The following SASH1 variants were observed in gnomAD, a reference collection of about 807,000 sequenced individuals.
SASH1 encodes SAM and SH3 domain containing 1.
A neutral mutation model predicts 125.2 loss-of-function variants in SASH1; 44 were observed. That is an observed-to-expected ratio of 0.35 (90% CI 0.28 to 0.45). The LOEUF (loss-of-function observed/expected upper bound fraction) is 0.45, where lower values mean the gene tolerates loss of function less well. SASH1 is among the 20% of genes least tolerant of loss of function. The pLI is 1.00. For missense variants in SASH1, 1,426 were observed against 1,614.5 expected (o/e 0.88, Z 2.00); for synonymous variants, 639 against 649.1 (o/e 0.98, Z 0.24).
In SASH1 at chr6:148,495,151, C is replaced by T. The variant is rs186959951; in HGVS notation, c.729+7436C>T. Among the ~76,000 whole-genome samples the T allele has an allele frequency of 1.9e-3, 285 of 152,300 alleles. 1 individual carries two copies. The highest frequency in any genetic ancestry group is 2.7e-3 in the Non-Finnish European group (184 of 68,024). On this transcript the variant is annotated intron_variant, in intron 8 of 19. Transcript: ENST00000367467. This position sits in a 1 kb window ranked among gnomAD's most constrained non-coding sequence, Gnocchi z 4.0. Reference sequence around the variant, plus strand: ...TGCTAATAACAATTCTGGTATGTGCCGAAAGCCAGGGCACCGGCAGAAGTT... The same window carrying T: ...TGCTAATAACAATTCTGGTATGTGCTGAAAGCCAGGGCACCGGCAGAAGTT...
At chr6:148,470,632 C>G (rs1167097356) in intron 5 of SASH1, among the ~76,000 whole-genome samples, 2 of 152,206 alleles carry the variant, frequency 1.3e-5, no homozygotes. Flanking sequence ...TTAAAAATGT[C>G]TAGCTATAGC....
rs148017233 is a variant in SASH1 at position 148,320,140 on chromosome 6, A to G, written n.74+47763A>G. Among the ~76,000 whole-genome samples, 311 of 152,350 alleles carry G rather than the reference A, an allele frequency of 2.0e-3. 1 individual carries two copies. Among genetic ancestry groups the G allele is most frequent in the Non-Finnish European group, 3.3e-3 (223 of 68,032 alleles). ...TAAACTTTATCATAAGTATGTATGTATGAGAAAAAACATAATATCTATAGG... is the reference window on the plus strand; with the variant it reads ...TAAACTTTATCATAAGTATGTATGTGTGAGAAAAAACATAATATCTATAGG... On this transcript the variant is annotated intron_variant and non_coding_transcript_variant, in intron 1 of 3. Coordinates refer to the SASH1 transcript ENST00000367469.
chr6:148,213,357 C>T, the SASH1 span, among the ~76,000 whole-genome samples: 44 of 152,072 alleles, frequency 2.9e-4, no homozygotes, highest in Middle Eastern at 6.8e-3. Context: ...CTGTATTCTC[C>T]GCTTTTATGG....
At chr6:148,356,734 G>A (rs189881815) in intron 1 of SASH1, among the ~76,000 whole-genome samples, 232 of 152,210 alleles carry the variant, frequency 1.5e-3, no homozygotes, top group Admixed American at 4.6e-3. Flanking sequence ...GGATTACAGT[G>A]TGAGCCACCA....
chr6:148,264,220 T>A, the SASH1 span, among the ~76,000 whole-genome samples: 989 of 149,568 alleles, frequency 6.6e-3, 10 homozygotes, highest in African/African-American at 0.021. Flanking sequence ...TGCATTCCTG[T>A]CATGGTTGGG....
intron 4 of SASH1, among the ~76,000 whole-genome samples, chr6:148,444,695 ACTAT>A (rs1776700941): frequency 1.3e-5 from 2 of 152,278 alleles, no homozygotes; most frequent in South Asian, 4.1e-4. Flanking sequence ...TATTGATGAG[ACTAT>A]CTGTTACTGG....
intron 8 of SASH1, among the ~76,000 whole-genome samples, chr6:148,489,293 A>G (rs1161955054): frequency 6.6e-6 from 1 of 152,054 alleles, no homozygotes; most frequent in African/African-American, 2.4e-5. Flanking sequence ...GTGATGATGT[A>G]TTTCTGGGCT....
At chr6:148,456,753 T>C (rs1321309217) in intron 4 of SASH1, among the ~76,000 whole-genome samples, 3 of 151,724 alleles carry the variant, frequency 2.0e-5, no homozygotes, top group Middle Eastern at 3.4e-3. Context: ...TCCCAGCTAT[T>C]TGGGGGCTGA....
In SASH1 at chr6:148,317,494, G is replaced by A. The variant is rs113907614; in HGVS notation, n.74+45117G>A. On this transcript the variant is annotated intron_variant and non_coding_transcript_variant, in intron 1 of 3. Coordinates refer to the SASH1 transcript ENST00000367469. ...GGCTGGAGTGCAATGGCACGACCTC[G>A]GCTCACCGCAACCTCCGCCTCCTGG... 3.7e-4 allele frequency among the ~76,000 whole-genome samples: 56 copies of A among 152,194 alleles called. 1 individual carries two copies. The highest frequency in any genetic ancestry group is 5.3e-4 in the African/African-American group (22 of 41,450).
At chr6:148,327,534 T>G (rs1216227003) in intron 1 of SASH1, among the ~76,000 whole-genome samples, 1 of 151,138 alleles carries the variant, frequency 6.6e-6, no homozygotes, top group Non-Finnish European at 1.5e-5. Flanking sequence ...CCACCCGCCT[T>G]GGCCTCCCAA....
intron 2 of SASH1, among the ~76,000 whole-genome samples, chr6:148,398,637 A>G (rs1211936130): frequency 1.3e-5 from 2 of 152,116 alleles, no homozygotes; most frequent in Non-Finnish European, 2.9e-5. Context: ...CACTATCCTG[A>G]GTTATCCTGC....
intron 2 of SASH1, among the ~76,000 whole-genome samples, chr6:148,391,876 A>G (rs908864271): frequency 6.6e-6 from 1 of 152,236 alleles, no homozygotes; most frequent in Non-Finnish European, 1.5e-5. Context: ...GAGGCAGAAG[A>G]AAATGTTCAA....
the SASH1 span, among the ~76,000 whole-genome samples, chr6:148,228,383 C>T: frequency 6.6e-6 from 1 of 152,178 alleles, no homozygotes; most frequent in East Asian, 1.9e-4. Flanking sequence ...AATCACAATT[C>T]CTCCTTTTAA....
At chr6:148,506,835 T>C (rs1004546351) in intron 8 of SASH1, among the ~76,000 whole-genome samples, 6 of 152,148 alleles carry the variant, frequency 3.9e-5, no homozygotes, top group African/African-American at 1.4e-4. Flanking sequence ...TAGTTGTCAG[T>C]CTTGGATGAA....
chr6:148,540,015 T>TA (rs1782121097), intron 16 of SASH1, among the ~76,000 whole-genome samples: 1 of 152,268 alleles, frequency 6.6e-6, no homozygotes, highest in South Asian at 2.1e-4. Context: ...GCACAAGTCT[T>TA]ACAGATCTCC....
chr6:148,520,003 C>T, intron 10 of SASH1, 110 bp downstream of exon 10: 4 of 713,090 alleles, frequency 5.6e-6, no homozygotes, highest in Non-Finnish European at 9.1e-6. Context: ...TTGAAGAAAA[C>T]GGATACTAAT....
the SASH1 span, among the ~76,000 whole-genome samples, chr6:148,220,362 C>T: frequency 1.3e-5 from 2 of 152,156 alleles, no homozygotes; most frequent in Admixed American, 6.5e-5. Flanking sequence ...AACTTGTTCC[C>T]TCCAGCCGTC....
At chr6:148,287,733 AC>A in intron 1 of SASH1, among the ~76,000 whole-genome samples, 1 of 151,806 alleles carries the variant, frequency 6.6e-6, no homozygotes, top group African/African-American at 2.4e-5. Flanking sequence ...TGTTTGCAAC[AC>A]CTCCCAGTTG....
intron 1 of SASH1, among the ~76,000 whole-genome samples, chr6:148,310,299 C>G (rs1056160549): frequency 6.6e-6 from 1 of 151,922 alleles, no homozygotes; most frequent in African/African-American, 2.4e-5. Context: ...TCCAGCTGGG[C>G]GACAAGAGTG....
Sources: gnomAD v4.1 joint callset for allele counts (sites outside exome capture counted in the v4.1 genomes callset) on GRCh38, gnomAD v4.1.1 for gene constraint, Gnocchi (gnomAD v3.1) non-coding constraint, MANE v1.5 for transcripts, NCBI Gene and HGNC (gene_info 2026-07-23, HGNC 2026-07-21) for gene names.